The following LUC7L variants were observed in gnomAD, a reference collection of about 807,000 sequenced individuals.
LUC7L encodes putative RNA-binding protein Luc7-like 1.
In LUC7L, 29 loss-of-function variants were observed where a neutral mutation model predicts 51.1. That is an observed-to-expected ratio of 0.57 (90% CI 0.42 to 0.77). The LOEUF (loss-of-function observed/expected upper bound fraction) is 0.77, where lower values mean the gene tolerates loss of function less well. Ranked by LOEUF, LUC7L falls within the 30% of genes least tolerant of loss-of-function variation. The pLI, the probability that LUC7L is intolerant of heterozygous loss-of-function variation, is 0.00. For missense variants in LUC7L, 403 were observed against 511.9 expected (o/e 0.79, Z 2.05); for synonymous variants, 181 against 180.7 (o/e 1.00, Z -0.01).
At chr16:227,988 C>A in intron 1 of LUC7L, 3 of 1,105,970 alleles carry the variant, frequency 2.7e-6, no homozygotes, top group Non-Finnish European at 2.2e-6. Flanking sequence ...ATACTGTACC[C>A]ATCTGCATTC....
chr16:195,358 TAC>T (rs2049120246), intron 6 of LUC7L, among the ~76,000 whole-genome samples: 1 of 151,784 alleles, frequency 6.6e-6, no homozygotes, highest in African/African-American at 2.4e-5. Flanking sequence ...AGTTCCAGGT[TAC>T]AGTGACAATA....
At position 190,077 on chromosome 16, in the gene LUC7L, T is replaced by G. The variant is rs1218641783; in HGVS notation, c.865A>C (p.Lys289Gln). The G allele has an allele frequency of 1.2e-6, 2 of 1,613,396 alleles. No individual in the cohort carries two copies. Among genetic ancestry groups the G allele is most frequent in the Non-Finnish European group, 1.7e-6 (2 of 1,180,000 alleles). ...RSRSTSRERR[K>Q]LSRSRSRDRH... ...TCTCGGGACCGGGACCGGGACAATTTCCGTCGCTCTCGGGAGGTAGATCTT... is the reference window on the plus strand; with the variant it reads ...TCTCGGGACCGGGACCGGGACAATTGCCGTCGCTCTCGGGAGGTAGATCTT... The change falls in exon 9 of 10, where the codon AAA becomes CAA. Residue 289 changes from lysine (K) to glutamine (Q), a missense_variant. Lys to Gln is a moderately conservative substitution (Grantham distance 53, BLOSUM62 1). This residue lies in a region of LUC7L where 206 missense variants were observed against 218.3 expected (regional missense o/e 0.94). Coordinates refer to ENST00000293872, the MANE Select transcript of LUC7L (RefSeq NM_201412.3).
At chr16:197,595 G>T (rs2049187844) in intron 6 of LUC7L, among the ~76,000 whole-genome samples, 1 of 152,146 alleles carries the variant, frequency 6.6e-6, no homozygotes, top group South Asian at 2.1e-4. Flanking sequence ...ATTCTCTCGG[G>T]AACACGGAAG....
rs116433553 is a variant in LUC7L, at chr16:204,606, A to G, written c.510+1398T>C. ...GAGACTCCATCTCAAAAAAAAAAAA[A>G]AGAGAGAAAATTATAAGGAAGAGAA... is the stretch of plus-strand genomic sequence containing the variant. On this transcript the variant is annotated intron_variant, in intron 5 of 9. Coordinates refer to ENST00000293872, the MANE Select transcript of LUC7L (RefSeq NM_201412.3). Among the ~76,000 whole-genome samples, 1,092 of 152,096 alleles carry G rather than the reference A, an allele frequency of 7.2e-3. 16 individuals are homozygous for G. Among genetic ancestry groups the G allele is most frequent in the African/African-American group, 0.025 (1,050 of 41,482 alleles).
rs1003945309 is a variant in LUC7L at position 227,494 on chromosome 16, G to C, written c.62-158C>G. On this transcript the variant is annotated intron_variant, in intron 1 of 9. Transcript: ENST00000293872. Reference sequence around the variant, plus strand: ...GCTGATCTAAAGATATTTACAACTGGAGTGGAATACACATTTTTTTGAGGC... The same window carrying C: ...GCTGATCTAAAGATATTTACAACTGCAGTGGAATACACATTTTTTTGAGGC... The C allele has an allele frequency of 1.9e-5, 27 of 1,447,702 alleles. No individual in the cohort carries two copies. In the South Asian group the frequency reaches 2.1e-4, roughly 11 times the overall value. The allele number at this position is 1,447,702 out of a possible 1,614,324, so 89.7% of individuals were successfully genotyped here. A position where few individuals can be genotyped will look rare whatever the true frequency, so the allele number is the denominator to read the frequency against.
chr16:190,484 G>C (rs2048982968), intron 8 of LUC7L, 57 bp downstream of exon 8: 1 of 1,555,542 alleles, frequency 6.4e-7, no homozygotes, highest in Non-Finnish European at 8.9e-7. Flanking sequence ...TAAATATTAA[G>C]AAAAATGCTT....
chr16:204,197 A>G (rs2049413473), intron 5 of LUC7L, among the ~76,000 whole-genome samples: 1 of 151,886 alleles, frequency 6.6e-6, no homozygotes. Context: ...TGATCCCAGC[A>G]CTTTGGGAGG....
intron 3 of LUC7L, among the ~76,000 whole-genome samples, chr16:210,479 A>C (rs2049607470): frequency 6.6e-6 from 1 of 152,156 alleles, no homozygotes; most frequent in South Asian, 2.1e-4. Context: ...TAAGGAGCTG[A>C]CAAGGGTCAC....
At chr16:219,349 A>T (rs1199446206) in intron 3 of LUC7L, among the ~76,000 whole-genome samples, 1 of 152,214 alleles carries the variant, frequency 6.6e-6, no homozygotes, top group African/African-American at 2.4e-5. Context: ...AGATGGTGCC[A>T]CTGCACTCTA....
At position 229,444 on chromosome 16, in the gene LUC7L, C is replaced by T. The variant is rs1026316019; in HGVS notation, c.-105G>A. ...TCGCGTCGGCCTCGAGCCCACTCGGCTCTTTCCCGCCGCGGGGGACGCCGG... is the reference window on the plus strand; with the variant it reads ...TCGCGTCGGCCTCGAGCCCACTCGGTTCTTTCCCGCCGCGGGGGACGCCGG... On this transcript the variant is annotated 5_prime_UTR_variant, in exon 1 of 10. Transcript: ENST00000293872. 58 of 1,011,442 alleles carry T rather than the reference C, an allele frequency of 5.7e-5. No homozygotes were observed. The highest frequency in any genetic ancestry group is 1.5e-4 in the Admixed American group (4 of 26,536). 62.7% of individuals were successfully genotyped at this position (1,011,442 alleles called of 1,614,324 possible). A position where few individuals can be genotyped will look rare whatever the true frequency, so the allele number is the denominator to read the frequency against.
At chr16:195,427 T>C (rs370744280) in intron 6 of LUC7L, among the ~76,000 whole-genome samples, 13 of 151,752 alleles carry the variant, frequency 8.6e-5, no homozygotes, top group African/African-American at 3.2e-4. Flanking sequence ...AGGGAGACCC[T>C]GTCTCTGAAA....
At chr16:194,369 A>G (rs2049095981) in intron 6 of LUC7L, among the ~76,000 whole-genome samples, 1 of 152,202 alleles carries the variant, frequency 6.6e-6, no homozygotes, top group Non-Finnish European at 1.5e-5. Context: ...GGCCTCCCAA[A>G]GTGCTGGGGT....
chr16:226,322 C>T lies in LUC7L; in HGVS notation c.156+920G>A, dbSNP rs115062001. ...AAATGAGAGGATAGTTTTTAACCTCCGTGAGGTAGCTGTGAAACCTTAAAA... is the reference window on the plus strand; with the variant it reads ...AAATGAGAGGATAGTTTTTAACCTCTGTGAGGTAGCTGTGAAACCTTAAAA... On this transcript the variant is annotated intron_variant, in intron 2 of 9. Coordinates refer to ENST00000293872, the MANE Select transcript of LUC7L (RefSeq NM_201412.3). 6.8e-3 allele frequency among the ~76,000 whole-genome samples: 1,030 copies of T among 152,190 alleles called. 11 individuals are homozygous for T. The highest frequency in any genetic ancestry group is 0.024 in the African/African-American group (992 of 41,518).
intron 1 of LUC7L, chr16:227,797 G>T (rs1258914090): frequency 1.0e-6 from 1 of 998,418 alleles, no homozygotes; most frequent in Non-Finnish European, 1.2e-6. Flanking sequence ...ATTGAATGAA[G>T]AAGAAAGCTT....
At chr16:213,836 T>C (rs2049712338) in intron 3 of LUC7L, among the ~76,000 whole-genome samples, 1 of 152,102 alleles carries the variant, frequency 6.6e-6, no homozygotes, top group Non-Finnish European at 1.5e-5. Flanking sequence ...TGCCTCACCC[T>C]CCAAAGTAGC....
At chr16:190,886 G>GAAA in intron 7 of LUC7L, 2 of 240,820 alleles carry the variant, frequency 8.3e-6, no homozygotes, top group Non-Finnish European at 1.6e-5. Context: ...GTCTCAAAAA[G>GAAA]AAAAAAAAAA....
rs373002380 is a variant in LUC7L, at chr16:220,796, G to C, written c.157-49C>G. The C allele has an allele frequency of 4.4e-5, 55 of 1,248,202 alleles. No homozygotes were observed. In the African/African-American group the frequency reaches 6.1e-4, roughly 14 times the overall value. 77.3% of individuals were successfully genotyped at this position (1,248,202 alleles called of 1,614,324 possible). Reference sequence around the variant, plus strand: ...CAGACCTCAGTGCCTACCTACTGTAGAAAGCACACAACGCGACTTGGTGTT... The same window carrying C: ...CAGACCTCAGTGCCTACCTACTGTACAAAGCACACAACGCGACTTGGTGTT... On this transcript the variant is annotated intron_variant, in intron 2 of 9. Coordinates refer to ENST00000293872, the MANE Select transcript of LUC7L (RefSeq NM_201412.3).
chr16:202,433 C>T (rs1457994040), intron 5 of LUC7L, among the ~76,000 whole-genome samples: 1 of 152,136 alleles, frequency 6.6e-6, no homozygotes, highest in Non-Finnish European at 1.5e-5. Flanking sequence ...GCCACACATC[C>T]AAACCGTATC....
intron 1 of LUC7L, chr16:228,923 G>C: frequency 7.3e-7 from 1 of 1,371,036 alleles, no homozygotes. Context: ...CCACCCGGCT[G>C]CCAGCGACCT....
Sources: allele counts gnomAD v4.1 joint callset (sites outside exome capture counted in the v4.1 genomes callset), GRCh38; gene constraint gnomAD v4.1.1; regional missense constraint gnomAD v4.1.1; transcripts MANE v1.5; gene names NCBI Gene and HGNC (gene_info 2026-07-23, HGNC 2026-07-21).